The following RARB variants were observed in gnomAD, a reference collection of about 807,000 sequenced individuals.
The protein encoded by RARB is retinoic acid receptor beta, also known as HBV-activated protein.
In RARB, 17 loss-of-function variants were observed where a neutral mutation model predicts 51.9. The observed-to-expected ratio is 0.33, with a 90% CI of 0.22 to 0.49. The LOEUF is 0.49. RARB is among the 20% of genes least tolerant of loss of function. The pLI is 0.99. For synonymous variants in RARB, 215 were observed against 195.4 expected, an observed-to-expected ratio of 1.10 and a Z score of -0.84; for missense variants, 369 against 550.8, an observed-to-expected ratio of 0.67 and a Z score of 3.30.
intron 2 of RARB, 43 bp from the exon 3 acceptor site, chr3:25,501,139 C>G: frequency 6.5e-7 from 1 of 1,536,278 alleles, no homozygotes; most frequent in Non-Finnish European, 8.7e-7. Context: ...TGATGAAGCT[C>G]ATTTGCTTTA....
In RARB at chr3:25,597,592, A is replaced by ATT. The variant is rs140956529; in HGVS notation, c.*984_*985dup. ...TTCCTGATTCATGCCTGATATTGGG[A>ATT]TTTTTTTTTCCAGCCTTCTTGATGC... On this transcript the variant is annotated 3_prime_UTR_variant, in exon 8 of 8. Transcript: ENST00000330688. The ATT allele has an allele frequency of 3.9e-5, 6 of 152,006 alleles. No individual in the cohort carries two copies. The highest frequency in any genetic ancestry group is 1.5e-4 in the African/African-American group (6 of 41,324). 9.4% of individuals were successfully genotyped at this position (152,006 alleles called of 1,614,324 possible).
At chr3:25,469,020 C>G (rs1695573065) in intron 2 of RARB, among the ~76,000 whole-genome samples, 1 of 152,198 alleles carries the variant, frequency 6.6e-6, no homozygotes, top group African/African-American at 2.4e-5. Context: ...TGGTAGCCTT[C>G]TATTTAAAGC....
intron 2 of RARB, among the ~76,000 whole-genome samples, chr3:25,015,532 C>T (rs1697490573): frequency 6.6e-6 from 1 of 152,132 alleles, no homozygotes; most frequent in African/African-American, 2.4e-5. Flanking sequence ...TAATGGGAAA[C>T]TTCTTGATAG....
At chr3:24,864,277 A>G (rs1559375464) in intron 2 of RARB, among the ~76,000 whole-genome samples, 1 of 152,104 alleles carries the variant, frequency 6.6e-6, no homozygotes, top group Non-Finnish European at 1.5e-5. Flanking sequence ...CACACCATCC[A>G]TCCTTTGCTG....
At chr3:25,408,527 G>T (rs1248677731) in intron 5 of RARB, among the ~76,000 whole-genome samples, 1 of 152,018 alleles carries the variant, frequency 6.6e-6, no homozygotes, top group Non-Finnish European at 1.5e-5. Context: ...CTCTAATTAG[G>T]GTGGGGACAC....
intron 5 of RARB, among the ~76,000 whole-genome samples, chr3:25,206,440 T>C (rs1271408766): frequency 6.6e-6 from 1 of 152,212 alleles, no homozygotes; most frequent in Non-Finnish European, 1.5e-5. Flanking sequence ...AGGATTTTGC[T>C]GGCTACTCAG....
At chr3:25,431,744 AT>A (rs1708218116) in intron 1 of RARB, among the ~76,000 whole-genome samples, 1 of 152,172 alleles carries the variant, frequency 6.6e-6, no homozygotes. Context: ...AAAGAAAAAA[AT>A]ATTTTCTTTT....
At chr3:25,505,938 A>G (rs1287621386) in intron 3 of RARB, among the ~76,000 whole-genome samples, 1 of 152,228 alleles carries the variant, frequency 6.6e-6, no homozygotes, top group East Asian at 1.9e-4. Context: ...GATAATAGCT[A>G]ATGGTCCATG....
At position 25,441,358 on chromosome 3, in the gene RARB, C is replaced by A; in HGVS notation, c.157+12470C>A. On this transcript the variant is annotated intron_variant, in intron 1 of 7. Transcript: ENST00000330688. ...TGGAAGGGAAGTTTGCGAATCAGTT[C>A]ACTGGACTTCGTATAAAGCCTAATT... 1.0e-5 allele frequency: 3 copies of A among 296,600 alleles called. No homozygotes were observed. In the South Asian group the frequency reaches 1.1e-4, roughly 11 times the overall value. 18.4% of individuals were successfully genotyped at this position (296,600 alleles called of 1,614,324 possible).
At chr3:25,315,775 A>C (rs1022218263) in intron 5 of RARB, among the ~76,000 whole-genome samples, 1 of 136,112 alleles carries the variant, frequency 7.3e-6, no homozygotes, top group South Asian at 2.3e-4. Context: ...CACCACACTC[A>C]GCTAATTTTT....
rs1197130601 is a variant in RARB, at chr3:24,909,065, C to G, written c.-380+50313C>G. ...TGTTAGAGCTTTTTCCAAAAGGCAT[C>G]ATTTTTACTTTTCATGACCCTAGGA... On this transcript the variant is annotated intron_variant, in intron 2 of 11. Coordinates refer to the RARB transcript ENST00000383772. Among the ~76,000 whole-genome samples the G allele has an allele frequency of 2.0e-5, 3 of 152,130 alleles. No individual in the cohort carries two copies. In the East Asian group the frequency reaches 5.8e-4, roughly 29 times the overall value.
At chr3:25,353,100 G>A (rs1705625707) in intron 5 of RARB, among the ~76,000 whole-genome samples, 1 of 152,028 alleles carries the variant, frequency 6.6e-6, no homozygotes, top group Non-Finnish European at 1.5e-5. Flanking sequence ...GCCTTTTGGA[G>A]ATGTTTTCAT....
At chr3:25,478,706 C>T (rs1696083674) in intron 2 of RARB, among the ~76,000 whole-genome samples, 1 of 152,122 alleles carries the variant, frequency 6.6e-6, no homozygotes, top group African/African-American at 2.4e-5. Context: ...ATCAGAAGGC[C>T]CATGTGACAC....
At chr3:24,919,369 C>T (rs1695170917) in intron 2 of RARB, among the ~76,000 whole-genome samples, 1 of 152,130 alleles carries the variant, frequency 6.6e-6, no homozygotes, top group South Asian at 2.1e-4. Context: ...TGAACTATAA[C>T]CGAAATGCAG....
chr3:25,453,434 A>G (rs576398577), intron 1 of RARB, among the ~76,000 whole-genome samples: 1 of 151,642 alleles, frequency 6.6e-6, no homozygotes, highest in Non-Finnish European at 1.5e-5. Context: ...TTTAGTAGAG[A>G]TGGGGTTTCT....
intron 5 of RARB, among the ~76,000 whole-genome samples, chr3:25,187,352 G>C (rs180864213): frequency 6.6e-6 from 1 of 151,936 alleles, no homozygotes; most frequent in Non-Finnish European, 1.5e-5. Flanking sequence ...GGTACTTCTT[G>C]GTGGTGCAGT....
At chr3:25,235,437 TA>T (rs368048011) in intron 5 of RARB, among the ~76,000 whole-genome samples, 56 of 151,952 alleles carry the variant, frequency 3.7e-4, no homozygotes, top group African/African-American at 1.3e-3. Flanking sequence ...TACCAAACCA[TA>T]AAAAAAAGTA....
rs1181344606 is a variant in RARB at position 24,851,640 on chromosome 3, C to CTTAA, written c.-458-7034_-458-7033insTTAA. ...TTTTTAAGCACTCAAACATGAATAG[C>CTTAA]AGTTGTCAGAATTTACATCTTTTGA... On this transcript the variant is annotated intron_variant, in intron 1 of 11. Transcript: ENST00000383772. Among the ~76,000 whole-genome samples the CTTAA allele has an allele frequency of 1.8e-4, 28 of 152,184 alleles. 1 individual carries two copies. In the East Asian group the frequency reaches 5.4e-3, roughly 29 times the overall value.
chr3:25,303,404 C>G (rs189167894), intron 5 of RARB, among the ~76,000 whole-genome samples: 1 of 152,162 alleles, frequency 6.6e-6, no homozygotes, highest in Non-Finnish European at 1.5e-5. Flanking sequence ...TAAGCTAGAA[C>G]ATAATATTTG....
Sources: allele counts gnomAD v4.1 joint callset (sites outside exome capture counted in the v4.1 genomes callset), GRCh38; gene constraint gnomAD v4.1.1; transcripts MANE v1.5; gene names NCBI Gene and HGNC (gene_info 2026-07-23, HGNC 2026-07-21).